The following SPAG16 variants were observed in gnomAD, a reference collection of about 807,000 sequenced individuals.
The protein encoded by SPAG16 is sperm-associated antigen 16 protein.
Under a neutral mutation model 80.4 loss-of-function variants are expected in SPAG16, and 86 were observed. The observed-to-expected ratio is 1.07, with a 90% CI of 0.90 to 1.28. The LOEUF is 1.28. Among genes scored for constraint, SPAG16 ranks in the 50% most tolerant of loss-of-function variants. The pLI is 0.00. For synonymous variants in SPAG16, 294 were observed against 265.9 expected, an observed-to-expected ratio of 1.11 and a Z score of -1.03; for missense variants, 870 against 765.3, an observed-to-expected ratio of 1.14 and a Z score of -1.61.
intron 15 of SPAG16, among the ~76,000 whole-genome samples, chr2:214,322,207 C>T (rs1052892936): frequency 1.3e-5 from 2 of 152,090 alleles, no homozygotes; most frequent in African/African-American, 4.8e-5. Flanking sequence ...GTTAGAATCA[C>T]CAAGGACATT....
intron 10 of SPAG16, among the ~76,000 whole-genome samples, chr2:213,531,910 G>T (rs1056640741): frequency 6.6e-6 from 1 of 151,986 alleles, no homozygotes; most frequent in Non-Finnish European, 1.5e-5. Flanking sequence ...ACCTCTTTGG[G>T]AGCTATGTAC....
intron 12 of SPAG16, among the ~76,000 whole-genome samples, chr2:213,949,754 CAAAAT>C (rs1473157795): frequency 6.6e-6 from 1 of 152,120 alleles, no homozygotes; most frequent in Non-Finnish European, 1.5e-5. Flanking sequence ...TTTAGTCTGA[CAAAAT>C]AAAATCCACA....
intron 10 of SPAG16, among the ~76,000 whole-genome samples, chr2:213,521,397 G>A (rs971761748): frequency 7.2e-5 from 11 of 152,142 alleles, no homozygotes; most frequent in African/African-American, 2.7e-4. Flanking sequence ...TAGCACCCAA[G>A]GACAATCACC....
At chr2:213,588,837 A>AAAAAAAAAAAAAC (rs2060573779) in intron 10 of SPAG16, among the ~76,000 whole-genome samples, 3 of 147,118 alleles carry the variant, frequency 2.0e-5, no homozygotes, top group Non-Finnish European at 1.5e-5. Context: ...AAAAAAAAAA[A>AAAAAAAAAAAAAC]AAAAAAGACT....
At chr2:213,375,525 T>C (rs1030028927) in intron 9 of SPAG16, among the ~76,000 whole-genome samples, 3 of 152,106 alleles carry the variant, frequency 2.0e-5, no homozygotes, top group South Asian at 4.1e-4. Context: ...TTATGCTCCG[T>C]TTAACAATCT....
At chr2:213,287,862 G>A (rs1285174958) in intron 1 of SPAG16, among the ~76,000 whole-genome samples, 2 of 152,138 alleles carry the variant, frequency 1.3e-5, no homozygotes, top group East Asian at 3.9e-4. Context: ...GAAGTAGCAA[G>A]CCTGTAGATA....
chr2:214,119,101 A>T (rs995707738), intron 14 of SPAG16, among the ~76,000 whole-genome samples: 4 of 152,196 alleles, frequency 2.6e-5, no homozygotes, highest in African/African-American at 9.6e-5. Flanking sequence ...ATGTAGTTAC[A>T]TGTCAATGAA....
At chr2:213,823,422 G>A (rs532321691) in intron 10 of SPAG16, among the ~76,000 whole-genome samples, 20 of 152,194 alleles carry the variant, frequency 1.3e-4, no homozygotes, top group Non-Finnish European at 2.4e-4. Flanking sequence ...GTGCAGTGGC[G>A]TGATCTCGGC....
At chr2:213,954,775 A>G (rs1218199863) in intron 12 of SPAG16, among the ~76,000 whole-genome samples, 6 of 152,320 alleles carry the variant, frequency 3.9e-5, no homozygotes, top group Middle Eastern at 3.4e-3. Context: ...CCAGCAGTCT[A>G]TGAGAAATTC....
intron 10 of SPAG16, among the ~76,000 whole-genome samples, chr2:213,540,029 A>ATTTTTTTTTTTTTTTTT (rs58117443): frequency 9.0e-6 from 1 of 110,816 alleles, no homozygotes; most frequent in East Asian, 2.7e-4. Context: ...ATATTTCTTA[A>ATTTTTTTTTTTTTTTTT]TTTTTTTTTT....
chr2:214,082,361 A>G (rs980200271), intron 13 of SPAG16, among the ~76,000 whole-genome samples: 10 of 152,174 alleles, frequency 6.6e-5, no homozygotes, highest in African/African-American at 2.4e-4. Context: ...AAGACACAAG[A>G]TCTTTTACCT....
At chr2:214,272,595 T>C (rs1692115833) in intron 15 of SPAG16, among the ~76,000 whole-genome samples, 1 of 152,190 alleles carries the variant, frequency 6.6e-6, no homozygotes, top group African/African-American at 2.4e-5. Context: ...TCCAGCTTCA[T>C]CCATGTCCCT....
At chr2:213,527,114 G>A (rs2075912687) in intron 10 of SPAG16, among the ~76,000 whole-genome samples, 2 of 152,194 alleles carry the variant, frequency 1.3e-5, no homozygotes, top group African/African-American at 4.8e-5. Context: ...TCTTTAGACA[G>A]TGAATCTTTT....
chr2:213,691,193 A>G lies in SPAG16; in HGVS notation c.1071-171292A>G, dbSNP rs186013262. Among the ~76,000 whole-genome samples the G allele has an allele frequency of 2.4e-3, 371 of 152,324 alleles. 2 individuals carry two copies. The highest frequency in any genetic ancestry group is 8.3e-3 in the African/African-American group (347 of 41,564). On this transcript the variant is annotated intron_variant, in intron 10 of 15. Coordinates refer to ENST00000331683, the MANE Select transcript of SPAG16 (RefSeq NM_024532.5). ...ATTCCAGCAACTTCCCAGGATAGCC[A>G]GTCTCTAAAGATAACCCTCAATAAA...
At chr2:214,108,909 A>G (rs1472071087) in intron 14 of SPAG16, among the ~76,000 whole-genome samples, 1 of 152,176 alleles carries the variant, frequency 6.6e-6, no homozygotes, top group African/African-American at 2.4e-5. Flanking sequence ...TGTGGTTTGA[A>G]TGTATCCCTC....
intron 10 of SPAG16, among the ~76,000 whole-genome samples, chr2:213,808,445 C>T (rs180762274): frequency 3.9e-5 from 6 of 152,026 alleles, no homozygotes; most frequent in Admixed American, 2.6e-4. Context: ...TATCAGAGAC[C>T]GGGGGTATAG....
intron 10 of SPAG16, among the ~76,000 whole-genome samples, chr2:213,602,919 A>T (rs2124980832): frequency 6.6e-6 from 1 of 152,318 alleles, no homozygotes; most frequent in Non-Finnish European, 1.5e-5. Flanking sequence ...TTTTAACTTT[A>T]TGGCTTTATA....
chr2:213,620,468 A>T (rs1181631828), intron 10 of SPAG16, among the ~76,000 whole-genome samples: 1 of 151,436 alleles, frequency 6.6e-6, no homozygotes, highest in Non-Finnish European at 1.5e-5. Flanking sequence ...AATTTTTTGT[A>T]TTTTTAGTAG....
chr2:214,329,009 G>A (rs748530554), intron 15 of SPAG16, among the ~76,000 whole-genome samples: 3 of 152,142 alleles, frequency 2.0e-5, no homozygotes, highest in Non-Finnish European at 4.4e-5. Context: ...TAAGTTACTT[G>A]ATTAGCCGAG....
Sources: allele counts gnomAD v4.1 joint callset (sites outside exome capture counted in the v4.1 genomes callset), GRCh38; gene constraint gnomAD v4.1.1; transcripts MANE v1.5; gene names NCBI Gene and HGNC (gene_info 2026-07-23, HGNC 2026-07-21).